The following DZIP1 variants were observed in gnomAD, a reference collection of about 807,000 sequenced individuals.
The protein encoded by DZIP1 is cilium assembly protein DZIP1.
Under a neutral mutation model 107.6 loss-of-function variants are expected in DZIP1, and 97 were observed. The ratio of observed to expected loss-of-function variants is 0.90; its 90% CI spans 0.77 to 1.07. The LOEUF (loss-of-function observed/expected upper bound fraction) is 1.07. Among genes scored for constraint, DZIP1 ranks in the 50% least tolerant of loss-of-function variants. The pLI is 0.00. For missense variants in DZIP1, 1,035 were observed against 1,063.6 expected, an observed-to-expected ratio of 0.97 and a Z score of 0.37; for synonymous variants, 390 against 386.4, an observed-to-expected ratio of 1.01 and a Z score of -0.11.
intron 19 of DZIP1, 23 bp from the exon 20 acceptor site, chr13:95,587,752 A>G (rs761672431): frequency 1.2e-6 from 2 of 1,604,828 alleles, no homozygotes; most frequent in South Asian, 2.2e-5. Flanking sequence ...ACACCGAGAT[A>G]GGGGCGCTGT....
chr13:95,620,906 C>A (rs527555688), intron 9 of DZIP1, among the ~76,000 whole-genome samples: 4 of 152,336 alleles, frequency 2.6e-5, no homozygotes, highest in African/African-American at 9.6e-5. Flanking sequence ...CAACTGTCAA[C>A]AGTTCAGTTC....
chr13:95,594,890 A>C (rs950996830), intron 15 of DZIP1, among the ~76,000 whole-genome samples: 1 of 152,136 alleles, frequency 6.6e-6, no homozygotes, highest in Non-Finnish European at 1.5e-5. Context: ...TAAAAAAAAA[A>C]AGTCAAGTTC....
At chr13:95,633,401 G>A in intron 5 of DZIP1, 80 bp from the exon 6 acceptor site, 1 of 1,230,942 alleles carries the variant, frequency 8.1e-7, no homozygotes, top group East Asian at 2.4e-5. Flanking sequence ...TCAGGTACCT[G>A]GCCAGGCACT....
intron 10 of DZIP1, among the ~76,000 whole-genome samples, chr13:95,613,858 A>G (rs1477060871): frequency 6.6e-6 from 1 of 152,194 alleles, no homozygotes; most frequent in African/African-American, 2.4e-5. Flanking sequence ...TTTCACATGC[A>G]AGTTTCAAAG....
intron 16 of DZIP1, among the ~76,000 whole-genome samples, chr13:95,591,206 T>C (rs1006508075): frequency 3.3e-5 from 5 of 151,884 alleles, no homozygotes; most frequent in African/African-American, 9.7e-5. Flanking sequence ...TTTTTGTATT[T>C]TTAGTAGAGA....
In DZIP1 at chr13:95,624,822, C is replaced by T; in HGVS notation, c.918G>A (p.Glu306=). The change falls in exon 8 of 23, where the codon GAG becomes GAA. Residue 306 remains glutamate (E), a synonymous_variant. Coordinates refer to ENST00000376829, the MANE Select transcript of DZIP1 (RefSeq NM_198968.4). Reference sequence around the variant, plus strand: ...ATTCTTTAAATTCCTTCATAAACATCTCCTTGACTTTTTCCATTTCATCAA... The same window carrying T: ...ATTCTTTAAATTCCTTCATAAACATTTCCTTGACTTTTTCCATTTCATCAA... ...KLVDEMEKVK[E]MFMKEFKELT... is the part of the protein sequence containing the mutation. 6.2e-7 allele frequency: 1 copy of T among 1,610,912 alleles called. No individual in the cohort carries two copies. The highest frequency in any genetic ancestry group is 8.5e-7 in the Non-Finnish European group (1 of 1,177,850).
chr13:95,611,094 G>A (rs1291903293), intron 12 of DZIP1, among the ~76,000 whole-genome samples: 1 of 152,194 alleles, frequency 6.6e-6, no homozygotes, highest in Non-Finnish European at 1.5e-5. Context: ...AGAGATGGGA[G>A]TTGAACCCAG....
intron 22 of DZIP1, among the ~76,000 whole-genome samples, chr13:95,582,838 T>C (rs1183146141): frequency 1.3e-5 from 2 of 152,156 alleles, no homozygotes. Context: ...TAGAAATGTG[T>C]TCCTCCAGGG....
chr13:95,626,662 A>C (rs997298063), intron 7 of DZIP1, among the ~76,000 whole-genome samples: 2 of 152,228 alleles, frequency 1.3e-5, no homozygotes, highest in African/African-American at 4.8e-5. Context: ...GTAATAAACA[A>C]ATTCAGCAAA....
intron 13 of DZIP1, among the ~76,000 whole-genome samples, chr13:95,609,096 A>G (rs996491520): frequency 1.3e-5 from 2 of 152,264 alleles, no homozygotes; most frequent in African/African-American, 4.8e-5. Flanking sequence ...GCAGCAGTAA[A>G]AGTGTCAGCA....
intron 13 of DZIP1, among the ~76,000 whole-genome samples, chr13:95,608,256 A>G (rs535631268): frequency 5.9e-5 from 9 of 152,228 alleles, no homozygotes; most frequent in African/African-American, 9.6e-5. Flanking sequence ...AGAAATACAC[A>G]TATTTATTTA....
At position 95,590,236 on chromosome 13, in the gene DZIP1, G is replaced by A. The variant is rs747056049; in HGVS notation, c.1843+43C>T. On this transcript the variant is annotated intron_variant, in intron 17 of 22. Coordinates refer to ENST00000376829, the MANE Select transcript of DZIP1 (RefSeq NM_198968.4). ...TGAAAAAAGAAGAAAAAAAGAAAAA[G>A]TTGTTAAATTAAGCTCCCATTTGCA... is the stretch of plus-strand genomic sequence containing the variant. 2.0e-6 allele frequency: 3 copies of A among 1,500,224 alleles called. No individual in the cohort carries two copies. In the Admixed American group the frequency reaches 7.0e-5, roughly 35 times the overall value. 92.9% of individuals were successfully genotyped at this position (1,500,224 alleles called of 1,614,324 possible).
rs960708730 is a variant in DZIP1 at position 95,608,431 on chromosome 13, CTAAA to C, written c.1420+1022_1420+1025del. ...CTCCATTTGGAGAAAACCACCCTAACTAAATATAGACTTGGGTTTTTTTTTTTTT... is the reference window on the plus strand; with the variant it reads ...CTCCATTTGGAGAAAACCACCCTAACTATAGACTTGGGTTTTTTTTTTTTT... On this transcript the variant is annotated intron_variant, in intron 13 of 22. Coordinates refer to ENST00000376829, the MANE Select transcript of DZIP1 (RefSeq NM_198968.4). 1.7e-4 allele frequency among the ~76,000 whole-genome samples: 25 copies of C among 148,910 alleles called. 1 individual carries two copies. Among genetic ancestry groups the C allele is most frequent in the South Asian group, 1.3e-3 (6 of 4,708 alleles).
chr13:95,633,847 C>T (rs1027692310), intron 5 of DZIP1, among the ~76,000 whole-genome samples: 3 of 151,596 alleles, frequency 2.0e-5, no homozygotes, highest in South Asian at 2.1e-4. Flanking sequence ...AGCACGAGGC[C>T]GAAGGCAGTT....
At chr13:95,615,843 A>G (rs1874986869) in intron 10 of DZIP1, among the ~76,000 whole-genome samples, 1 of 152,216 alleles carries the variant, frequency 6.6e-6, no homozygotes, top group Non-Finnish European at 1.5e-5. Flanking sequence ...CACCTGTAAA[A>G]TGAGTGACAG....
chr13:95,627,135 T>C (rs575979467), intron 7 of DZIP1, among the ~76,000 whole-genome samples: 5 of 152,272 alleles, frequency 3.3e-5, no homozygotes, highest in Admixed American at 1.3e-4. Flanking sequence ...GTAATCAAAG[T>C]TGTGTGATAT....
chr13:95,584,679 G>A, intron 22 of DZIP1, 57 bp downstream of exon 22: 1 of 1,548,954 alleles, frequency 6.5e-7, no homozygotes, highest in East Asian at 2.3e-5. Context: ...TTATAAAGAT[G>A]AAACACAACT....
chr13:95,618,627 T>C (rs1002503163), intron 10 of DZIP1, among the ~76,000 whole-genome samples: 1 of 152,208 alleles, frequency 6.6e-6, no homozygotes, highest in Non-Finnish European at 1.5e-5. Flanking sequence ...CCAGTTTCTT[T>C]TTCTCTCCCC....
rs941576716 is a variant in DZIP1, at chr13:95,643,639, T to C, written c.-466A>G. On this transcript the variant is annotated 5_prime_UTR_variant, in exon 2 of 23. Transcript: ENST00000376829. Reference sequence around the variant, plus strand: ...AGATTCTGGACTCCATCCACTGGGCTGCAGGATCAGCGGGAACAAGAGCTG... The same window carrying C: ...AGATTCTGGACTCCATCCACTGGGCCGCAGGATCAGCGGGAACAAGAGCTG... 1.3e-5 allele frequency: 2 copies of C among 152,720 alleles called. No homozygotes were observed. The highest frequency in any genetic ancestry group is 4.8e-5 in the African/African-American group (2 of 41,452). The allele number at this position is 152,720 out of a possible 1,614,324, so 9.5% of individuals were successfully genotyped here. A position where few individuals can be genotyped will look rare whatever the true frequency, so the allele number is the denominator to read the frequency against.
Sources: gnomAD v4.1 joint callset for allele counts (sites outside exome capture counted in the v4.1 genomes callset) on GRCh38, gnomAD v4.1.1 for gene constraint, MANE v1.5 for transcripts, NCBI Gene and HGNC (gene_info 2026-07-23, HGNC 2026-07-21) for gene names.